Variants in CFAP299 observed in about 807,000 individuals in gnomAD.
CFAP299 encodes the protein cilia- and flagella-associated protein 299.
Under a neutral mutation model 27.0 loss-of-function variants are expected in CFAP299, and 21 were observed. The ratio of observed to expected loss-of-function variants is 0.78; its 90% CI spans 0.55 to 1.12. The LOEUF (loss-of-function observed/expected upper bound fraction) is 1.12. Among genes scored for constraint, CFAP299 ranks in the 50% most tolerant of loss-of-function variants. CFAP299 has a pLI of 0.00. For missense variants in CFAP299, 310 were observed against 276.6 expected (o/e 1.12, Z -0.86); for synonymous variants, 104 against 98.1 (o/e 1.06, Z -0.36).
intron 5 of CFAP299, among the ~76,000 whole-genome samples, chr4:80,946,167 T>G (rs1400643328): frequency 1.3e-5 from 2 of 150,030 alleles, no homozygotes; most frequent in Admixed American, 6.6e-5. Flanking sequence ...TAACAAGAAA[T>G]AGATGATTAC....
chr4:80,567,731 T>TTATATATATATATA (rs10605376), intron 2 of CFAP299, among the ~76,000 whole-genome samples: 18 of 148,784 alleles, frequency 1.2e-4, no homozygotes, highest in African/African-American at 4.2e-4. Flanking sequence ...TCTAATGTAT[T>TTATATATATATATA]TATATATATA....
At chr4:80,735,791 T>G (rs1249129789) in intron 3 of CFAP299, among the ~76,000 whole-genome samples, 1 of 152,164 alleles carries the variant, frequency 6.6e-6, no homozygotes, top group Non-Finnish European at 1.5e-5. Flanking sequence ...AAATCTCACT[T>G]GGTCATCATG....
At chr4:80,740,347 T>A (rs72864897) in intron 3 of CFAP299, among the ~76,000 whole-genome samples, 8,766 of 152,326 alleles carry the variant, frequency 0.058, 374 homozygotes, top group East Asian at 0.22. Context: ...CCAAACCCAA[T>A]AACACTATGA....
At chr4:80,885,949 T>C (rs762409101) in intron 4 of CFAP299, among the ~76,000 whole-genome samples, 14 of 152,160 alleles carry the variant, frequency 9.2e-5, no homozygotes, top group Non-Finnish European at 1.9e-4. Flanking sequence ...TTTCTGGACC[T>C]GCCCTGGGCC....
intron 2 of CFAP299, among the ~76,000 whole-genome samples, chr4:80,379,752 G>A (rs1724599082): frequency 6.6e-6 from 1 of 152,008 alleles, no homozygotes; most frequent in Non-Finnish European, 1.5e-5. Context: ...TATGGAAAGA[G>A]AGTATTTTAT....
chr4:80,429,956 T>C lies in CFAP299; in HGVS notation c.242+67072T>C, dbSNP rs114268795. 8.6e-3 allele frequency among the ~76,000 whole-genome samples: 1,303 copies of C among 152,286 alleles called. 24 individuals carry two copies. The highest frequency in any genetic ancestry group is 0.03 in the African/African-American group (1,233 of 41,546). ...CAATTTTATGTTTATTTCCAAGTTT[T>C]TTTTTATGTATACCATCACTCACTC... On this transcript the variant is annotated intron_variant, in intron 2 of 5. Transcript: ENST00000358105.
At chr4:80,437,542 G>T (rs1288189650) in intron 2 of CFAP299, among the ~76,000 whole-genome samples, 1 of 152,192 alleles carries the variant, frequency 6.6e-6, no homozygotes, top group Non-Finnish European at 1.5e-5. Flanking sequence ...CGTTGCAGAA[G>T]AGGGATCCTG....
At chr4:80,431,420 T>G (rs1727811418) in intron 2 of CFAP299, among the ~76,000 whole-genome samples, 1 of 146,804 alleles carries the variant, frequency 6.8e-6, no homozygotes, top group African/African-American at 2.5e-5. Flanking sequence ...TCCTCCCTCC[T>G]TTTTTCCCTT....
intron 4 of CFAP299, among the ~76,000 whole-genome samples, chr4:80,894,396 C>T (rs1313106186): frequency 2.0e-5 from 3 of 151,956 alleles, no homozygotes; most frequent in Non-Finnish European, 4.4e-5. Flanking sequence ...CTAACCAGTA[C>T]ATCTAATAAT....
intron 2 of CFAP299, among the ~76,000 whole-genome samples, chr4:80,395,514 T>C (rs1239661465): frequency 6.6e-6 from 1 of 152,126 alleles, no homozygotes; most frequent in Non-Finnish European, 1.5e-5. Flanking sequence ...CCAATGGATG[T>C]GATGTAGCTG....
chr4:80,801,659 T>C (rs1728612587), intron 3 of CFAP299, among the ~76,000 whole-genome samples: 1 of 152,106 alleles, frequency 6.6e-6, no homozygotes, highest in African/African-American at 2.4e-5. Flanking sequence ...ATTCCACTTA[T>C]TACCTATGGT....
chr4:80,528,255 A>G (rs998074998), intron 2 of CFAP299, among the ~76,000 whole-genome samples: 7 of 151,944 alleles, frequency 4.6e-5, no homozygotes, highest in African/African-American at 1.7e-4. Context: ...CCTCCTTCCT[A>G]TATTTTCAAC....
chr4:80,608,450 T>C, intron 3 of CFAP299: 1 of 901,558 alleles, frequency 1.1e-6, no homozygotes, highest in East Asian at 2.6e-5. Flanking sequence ...ATCCTACATA[T>C]ATACTCCACT....
At chr4:80,484,751 A>G (rs1024347807) in intron 2 of CFAP299, among the ~76,000 whole-genome samples, 2 of 152,178 alleles carry the variant, frequency 1.3e-5, no homozygotes, top group Non-Finnish European at 2.9e-5. Flanking sequence ...GAAAATTTTA[A>G]ATAATAAGAA....
At chr4:80,448,160 T>C (rs1487980110) in intron 2 of CFAP299, among the ~76,000 whole-genome samples, 1 of 152,096 alleles carries the variant, frequency 6.6e-6, no homozygotes, top group Non-Finnish European at 1.5e-5. Context: ...ATAAAGTGAG[T>C]TTTCTTCTGG....
At chr4:80,924,676 G>A (rs1277921688) in intron 4 of CFAP299, among the ~76,000 whole-genome samples, 1 of 150,912 alleles carries the variant, frequency 6.6e-6, no homozygotes, top group Non-Finnish European at 1.5e-5. Context: ...TTGCCAAATT[G>A]CTTTCCAAGG....
In CFAP299 at chr4:80,862,103, T is replaced by TA. The variant is rs753377133; in HGVS notation, c.334-7890_334-7889insA. 1.2e-3 allele frequency among the ~76,000 whole-genome samples: 184 copies of TA among 152,252 alleles called. 2 individuals are homozygous for TA. Among genetic ancestry groups the TA allele is most frequent in the Non-Finnish European group, 1.8e-3 (119 of 68,000 alleles). ...AAAGCCATTTAGTCAGGTGCAGTGG[T>TA]TCATGCCTGTAATCCCAGCACTTTG... On this transcript the variant is annotated intron_variant, in intron 3 of 5. Transcript: ENST00000358105.
intron 3 of CFAP299, among the ~76,000 whole-genome samples, chr4:80,596,230 G>T (rs1209379614): frequency 6.6e-6 from 1 of 152,096 alleles, no homozygotes; most frequent in South Asian, 2.1e-4. Flanking sequence ...CTCATTACGG[G>T]AATCCTCCTT....
intron 3 of CFAP299, among the ~76,000 whole-genome samples, chr4:80,587,504 G>A (rs1239801820): frequency 1.3e-5 from 2 of 152,110 alleles, no homozygotes; most frequent in African/African-American, 2.4e-5. Flanking sequence ...AAAGTATGGG[G>A]ATAATAATTT....
Sources: gnomAD v4.1 joint callset for allele counts (sites outside exome capture counted in the v4.1 genomes callset) on GRCh38, gnomAD v4.1.1 for gene constraint, MANE v1.5 for transcripts, NCBI Gene and HGNC (gene_info 2026-07-23, HGNC 2026-07-21) for gene names.